KANSL3: variants seen among roughly 807,000 people sequenced by gnomAD.
KANSL3 encodes NSL complex protein NSL3.
In KANSL3, 16 loss-of-function variants were observed where a neutral mutation model predicts 89.2. The ratio of observed to expected loss-of-function variants is 0.18; its 90% CI spans 0.12 to 0.27. The LOEUF is 0.27. Among genes scored for constraint, KANSL3 ranks in the 10% least tolerant of loss-of-function variants. KANSL3 has a pLI of 1.00. For synonymous variants in KANSL3, 385 were observed against 419.7 expected (o/e 0.92, Z 1.01); for missense variants, 879 against 1,110.6 (o/e 0.79, Z 2.96).
Position 96,637,016 on chromosome 2 carries a change from G to A in KANSL3, c.120C>T (p.Ser40=), listed in dbSNP as rs1375917514. The A allele has an allele frequency of 2.6e-6, 4 of 1,551,666 alleles. No homozygotes were observed. The highest frequency in any genetic ancestry group is 3.5e-6 in the Non-Finnish European group (4 of 1,146,994). The change falls in exon 2 of 21, where the codon AGC becomes AGT. Residue 40 remains serine (S), a synonymous_variant. Transcript: ENST00000431828. ...GGTGGGCACTCCAAGGCTTGGCATA[G>A]CTATGATCCAGAAAAACCAGGTCCA... ...RELDLVFLDH[S]YAKPWSAHPD...
rs527889678 is a variant in KANSL3 at position 96,595,333 on chromosome 2, G to A, written c.*278C>T. ...GGGTCAAACCACAGCTTAAGCGGGG[G>A]AAGAAGTGGTTCTGATCCATGTACA... is the stretch of plus-strand genomic sequence containing the variant. On this transcript the variant is annotated 3_prime_UTR_variant, in exon 21 of 21. Transcript: ENST00000431828. 4.9e-6 allele frequency: 2 copies of A among 411,006 alleles called. No individual in the cohort carries two copies. Among genetic ancestry groups the A allele is most frequent in the Non-Finnish European group, 8.8e-6 (2 of 226,352 alleles). The allele number at this position is 411,006 out of a possible 1,614,324, so 25.5% of individuals were successfully genotyped here.
chr2:96,589,055 A>G (rs1358022628), downstream of KANSL3, among the ~76,000 whole-genome samples: 1 of 152,234 alleles, frequency 6.6e-6, no homozygotes, highest in Non-Finnish European at 1.5e-5. Context: ...TTTTGGAGCA[A>G]CCACTAAAAA....
chr2:96,619,876 A>G, intron 3 of KANSL3, 114 bp from the exon 4 acceptor site: 1 of 818,444 alleles, frequency 1.2e-6, no homozygotes, highest in Non-Finnish European at 1.9e-6. Flanking sequence ...GGAACAGTAA[A>G]ACGAAGTAGC....
the KANSL3 span, among the ~76,000 whole-genome samples, chr2:96,588,045 C>T: frequency 1.3e-5 from 2 of 151,978 alleles, no homozygotes; most frequent in African/African-American, 4.8e-5. Flanking sequence ...ATAGTCATGC[C>T]ACTGGGGGCA....
At chr2:96,605,074 CA>C (rs1174023264) in intron 15 of KANSL3, among the ~76,000 whole-genome samples, 1 of 152,074 alleles carries the variant, frequency 6.6e-6, no homozygotes, top group Non-Finnish European at 1.5e-5. Context: ...TTGAAGCCAA[CA>C]AAAAAAGAAC....
rs1191669116 is a variant in KANSL3 at position 96,637,174 on chromosome 2, C to T, written c.-39G>A. On this transcript the variant is annotated 5_prime_UTR_variant, in exon 2 of 21. The change abolishes an upstream ATG in the 5' untranslated region. Coordinates refer to ENST00000431828, the MANE Select transcript of KANSL3 (RefSeq NM_001115016.3). ...CAGAAAGTCAGAGCATGGGTATCTG[C>T]ATGCTAGTCACCTGCAGTGAAAAGT... is the stretch of plus-strand genomic sequence containing the variant. 2.2e-6 allele frequency: 3 copies of T among 1,350,116 alleles called. No homozygotes were observed. Among genetic ancestry groups the T allele is most frequent in the Non-Finnish European group, 3.1e-6 (3 of 971,008 alleles). The allele number at this position is 1,350,116 out of a possible 1,614,324, so 83.6% of individuals were successfully genotyped here.
intron 20 of KANSL3, among the ~76,000 whole-genome samples, chr2:96,596,027 A>C (rs1023335079): frequency 2.0e-5 from 3 of 152,240 alleles, no homozygotes; most frequent in Admixed American, 6.5e-5. Context: ...ACAGAAAAGG[A>C]ATGCAGAAAA....
intron 3 of KANSL3, among the ~76,000 whole-genome samples, chr2:96,625,337 T>G (rs1397333708): frequency 6.6e-6 from 1 of 152,270 alleles, no homozygotes; most frequent in African/African-American, 2.4e-5. Flanking sequence ...GCAATCATGC[T>G]AATTTATAAT....
rs577465450 is a variant in KANSL3, at chr2:96,619,653, C to A, written c.477+19G>T. 5 of 1,580,728 alleles carry A rather than the reference C, an allele frequency of 3.2e-6. No individual in the cohort carries two copies. In the African/African-American group the frequency reaches 5.4e-5, roughly 17 times the overall value. The stretch of plus-strand genomic sequence containing the variant: ...TGAACTACGAAGAGCCCACTGTGGG[C>A]GGATTGCTGGTGTCTTACCCCTTCG... On this transcript the variant is annotated intron_variant, in intron 4 of 20. Coordinates refer to ENST00000431828, the MANE Select transcript of KANSL3 (RefSeq NM_001115016.3).
chr2:96,615,680 C>T (rs1361557947), intron 5 of KANSL3: 1 of 367,158 alleles, frequency 2.7e-6, no homozygotes, highest in Non-Finnish European at 5.3e-6. Context: ...AGATAAGTTG[C>T]TCTTAATTTA....
intron 14 of KANSL3, among the ~76,000 whole-genome samples, chr2:96,607,883 C>T (rs1440196379): frequency 3.3e-5 from 5 of 152,196 alleles, no homozygotes; most frequent in African/African-American, 4.8e-5. Context: ...AGAGGCCTTA[C>T]CTCAAGGCCA....
intron 14 of KANSL3, among the ~76,000 whole-genome samples, chr2:96,608,056 T>G (rs2068273824): frequency 6.6e-6 from 1 of 152,190 alleles, no homozygotes; most frequent in Non-Finnish European, 1.5e-5. Context: ...GAAACCTGTA[T>G]GCAGAGAACC....
intron 2 of KANSL3, among the ~76,000 whole-genome samples, chr2:96,632,094 C>T (rs906716389): frequency 2.6e-5 from 4 of 151,938 alleles, no homozygotes; most frequent in Admixed American, 1.3e-4. Flanking sequence ...GTGATTCACA[C>T]CTGTAATCCC....
intron 2 of KANSL3, among the ~76,000 whole-genome samples, chr2:96,633,904 G>A (rs1025859436): frequency 2.6e-5 from 4 of 152,130 alleles, no homozygotes; most frequent in Admixed American, 6.5e-5. Flanking sequence ...CCGTAGTGAC[G>A]TTAGCCACAT....
At chr2:96,633,449 GT>G (rs961654954) in intron 2 of KANSL3, among the ~76,000 whole-genome samples, 1 of 151,870 alleles carries the variant, frequency 6.6e-6, no homozygotes, top group African/African-American at 2.4e-5. Flanking sequence ...CGTGCCTGTA[GT>G]CCCAGCTACT....
intron 3 of KANSL3, among the ~76,000 whole-genome samples, chr2:96,627,278 G>C (rs1281748966): frequency 6.6e-6 from 1 of 151,770 alleles, no homozygotes; most frequent in South Asian, 2.1e-4. Context: ...GCAGTGGCAC[G>C]ATCTCGGCTC....
At chr2:96,591,791 A>G (rs10183164), downstream of KANSL3, among the ~76,000 whole-genome samples, 13,961 of 152,114 alleles carry the variant, frequency 0.092, 1,445 homozygotes, top group African/African-American at 0.25. Flanking sequence ...CTGCAGCTAA[A>G]AAGTCCTGTG....
intron 9 of KANSL3, among the ~76,000 whole-genome samples, chr2:96,611,544 T>C (rs778817772): frequency 6.6e-6 from 1 of 152,232 alleles, no homozygotes; most frequent in Non-Finnish European, 1.5e-5. Flanking sequence ...AATGGATAGC[T>C]ACCAGACAGC....
At chr2:96,591,855 G>GC (rs750197019), downstream of KANSL3, among the ~76,000 whole-genome samples, 3 of 143,450 alleles carry the variant, frequency 2.1e-5, no homozygotes, top group Admixed American at 1.4e-4. Context: ...AGGTCACGAG[G>GC]CAAGTACCAA....
Sources: gnomAD v4.1 joint callset for allele counts (sites outside exome capture counted in the v4.1 genomes callset) on GRCh38, gnomAD v4.1.1 for gene constraint, MANE v1.5 for transcripts, NCBI Gene and HGNC (gene_info 2026-07-23, HGNC 2026-07-21) for gene names.